PAICS: variants seen among roughly 807,000 people sequenced by gnomAD.
PAICS encodes the protein bifunctional phosphoribosylaminoimidazole carboxylase/phosphoribosylaminoimidazole succinocarboxamide synthetase.
PAICS carries 33 observed loss-of-function variants against 53.7 expected under a neutral mutation model. That is an observed-to-expected ratio of 0.61 (90% CI 0.47 to 0.82). The LOEUF (loss-of-function observed/expected upper bound fraction) is 0.82. Among genes scored for constraint, PAICS ranks in the 40% least tolerant of loss-of-function variants. The pLI, the probability that PAICS is intolerant of heterozygous loss-of-function variation, is 0.00. For synonymous variants in PAICS, 141 were observed against 167.2 expected (o/e 0.84, Z 1.21); for missense variants, 394 against 494.1 (o/e 0.80, Z 1.92).
chr4:56,444,954 C>T (rs750101995), intron 2 of PAICS, among the ~76,000 whole-genome samples: 5 of 152,086 alleles, frequency 3.3e-5, no homozygotes, highest in Non-Finnish European at 7.4e-5. Flanking sequence ...TAGTTACCAC[C>T]CCAAGTTGAG....
At chr4:56,422,833 A>C in the PAICS span, 4 of 152,344 alleles carry the variant, frequency 2.6e-5, no homozygotes, top group East Asian at 7.7e-4. Context: ...AATGTTCCCC[A>C]TCGCTGTTTT....
At chr4:56,435,773 T>A, upstream of PAICS, 2 of 1,504,032 alleles carry the variant, frequency 1.3e-6, no homozygotes, top group South Asian at 1.2e-5. Flanking sequence ...AAGAGCTGCC[T>A]GGAAAGCTGT....
chr4:56,426,027 A>AT, the PAICS span, among the ~76,000 whole-genome samples: 1 of 152,214 alleles, frequency 6.6e-6, no homozygotes, highest in Non-Finnish European at 1.5e-5. Flanking sequence ...ACTAAAGCGT[A>AT]TAACTGTGGT....
At chr4:56,431,438 C>CT (rs1447273271), upstream of PAICS, 1 of 982,098 alleles carries the variant, frequency 1.0e-6, no homozygotes, top group Non-Finnish European at 1.2e-6. Context: ...GTCTAAATCT[C>CT]TTAAGAAAAG....
At chr4:56,450,735 T>A (rs527894712) in intron 6 of PAICS, 33 bp downstream of exon 6, 207 of 1,000,550 alleles carry the variant, frequency 2.1e-4, no homozygotes, top group Non-Finnish European at 3.0e-4. Flanking sequence ...GTATGTATTA[T>A]GTGTTTTTCT....
At chr4:56,449,705 C>T (rs1000020801) in intron 5 of PAICS, among the ~76,000 whole-genome samples, 19 of 150,900 alleles carry the variant, frequency 1.3e-4, no homozygotes, top group African/African-American at 3.7e-4. Context: ...TGGCCAGGCG[C>T]GGTGGCTCAC....
At chr4:56,411,774 C>A in the PAICS span, among the ~76,000 whole-genome samples, 1 of 152,122 alleles carries the variant, frequency 6.6e-6, no homozygotes, top group African/African-American at 2.4e-5. Context: ...AAATTTAACA[C>A]CTGAGAGAAA....
At chr4:56,418,046 C>A in the PAICS span, among the ~76,000 whole-genome samples, 3 of 152,160 alleles carry the variant, frequency 2.0e-5, no homozygotes, top group East Asian at 5.8e-4. Context: ...ACCATGTTGG[C>A]CAGGATGGTC....
At chr4:56,448,397 A>ACT (rs1261821411) in intron 3 of PAICS, 21 bp from the exon 4 acceptor site, 1 of 1,489,228 alleles carries the variant, frequency 6.7e-7, no homozygotes. Flanking sequence ...AGTTAATTGT[A>ACT]CTACTATACT....
chr4:56,413,201 C>T, the PAICS span, among the ~76,000 whole-genome samples: 5 of 152,064 alleles, frequency 3.3e-5, no homozygotes, highest in African/African-American at 1.2e-4. Flanking sequence ...ACTCTGTCAC[C>T]CAGGCTGGAG....
chr4:56,422,619 T>C, the PAICS span: 5 of 152,194 alleles, frequency 3.3e-5, no homozygotes, highest in South Asian at 2.1e-4. Flanking sequence ...CCCAATGTGA[T>C]GTATTTGGAG....
At chr4:56,452,834 C>T (rs1025757524) in intron 7 of PAICS, among the ~76,000 whole-genome samples, 1 of 152,052 alleles carries the variant, frequency 6.6e-6, no homozygotes, top group African/African-American at 2.4e-5. Flanking sequence ...TAATGGAGCC[C>T]TGGGTTTACA....
chr4:56,455,405 G>GCCA (rs1372793629), intron 8 of PAICS, among the ~76,000 whole-genome samples: 4 of 152,074 alleles, frequency 2.6e-5, no homozygotes, highest in African/African-American at 9.7e-5. Flanking sequence ...CCTCCAACCT[G>GCCA]GTCCAGTGGA....
upstream of PAICS, among the ~76,000 whole-genome samples, chr4:56,432,656 G>C (rs991767361): frequency 6.6e-6 from 1 of 151,582 alleles, no homozygotes; most frequent in South Asian, 2.1e-4. Context: ...GTGGTGGGGG[G>C]CGCCTGTAGT....
rs1183751415 is a variant in PAICS, at chr4:56,463,083, T to G, written c.*3545T>G. ...ATTTCTAATATGAAGAAAGGGGCAGTGTGATGTGCCACGGAGCATCCACAA... is the reference window on the plus strand; with the variant it reads ...ATTTCTAATATGAAGAAAGGGGCAGGGTGATGTGCCACGGAGCATCCACAA... On this transcript the variant is annotated 3_prime_UTR_variant, in exon 9 of 9. Coordinates refer to ENST00000512576, the MANE Select transcript of PAICS (RefSeq NM_001079524.2). 1 of 152,068 alleles carries G rather than the reference T, an allele frequency of 6.6e-6. No homozygotes were observed. The highest frequency in any genetic ancestry group is 1.5e-5 in the Non-Finnish European group (1 of 68,008). The allele number at this position is 152,068 out of a possible 1,614,324, so 9.4% of individuals were successfully genotyped here.
upstream of PAICS, among the ~76,000 whole-genome samples, chr4:56,434,953 A>C (rs912855888): frequency 6.6e-6 from 1 of 152,316 alleles, no homozygotes; most frequent in Middle Eastern, 3.4e-3. Flanking sequence ...ACTGGCCGCC[A>C]CGCCACACTA....
the PAICS span, chr4:56,416,237 C>T: frequency 6.5e-6 from 1 of 153,314 alleles, no homozygotes; most frequent in African/African-American, 2.4e-5. Flanking sequence ...TATTATACAA[C>T]TTTATTACAA....
intron 8 of PAICS, among the ~76,000 whole-genome samples, chr4:56,456,311 C>T (rs1048980937): frequency 2.6e-5 from 4 of 152,164 alleles, no homozygotes; most frequent in Non-Finnish European, 4.4e-5. Context: ...AGGCTGGTCT[C>T]GAACTCTTGA....
At chr4:56,427,869 C>G in the PAICS span, among the ~76,000 whole-genome samples, 1 of 152,078 alleles carries the variant, frequency 6.6e-6, no homozygotes, top group African/African-American at 2.4e-5. Flanking sequence ...CAGAGAAGAT[C>G]TCTATTGTGT....
Sources: allele counts gnomAD v4.1 joint callset (sites outside exome capture counted in the v4.1 genomes callset), GRCh38; gene constraint gnomAD v4.1.1; transcripts MANE v1.5; gene names NCBI Gene and HGNC (gene_info 2026-07-23, HGNC 2026-07-21).